The following CCDC178 variants were observed in gnomAD, a reference collection of about 807,000 sequenced individuals.
The protein encoded by CCDC178 is coiled-coil domain containing 178.
A neutral mutation model predicts 117.4 loss-of-function variants in CCDC178; 126 were observed. The ratio of observed to expected loss-of-function variants is 1.07; its 90% confidence interval spans 0.93 to 1.24. The LOEUF (loss-of-function observed/expected upper bound fraction) is 1.24, where lower values mean the gene tolerates loss of function less well. Among genes scored for constraint, CCDC178 ranks in the 50% most tolerant of loss-of-function variants. The pLI, the probability that CCDC178 is intolerant of heterozygous loss-of-function variation, is 0.00. For synonymous variants in CCDC178, 283 were observed against 313.4 expected (o/e 0.90, Z 1.02); for missense variants, 1,030 against 986.9 (o/e 1.04, Z -0.59).
intron 14 of CCDC178, among the ~76,000 whole-genome samples, chr18:33,261,840 T>C (rs1470319076): frequency 6.6e-6 from 1 of 152,136 alleles, no homozygotes; most frequent in African/African-American, 2.4e-5. Context: ...CTGGGTCATA[T>C]TCAAATTTTT....
intron 12 of CCDC178, among the ~76,000 whole-genome samples, chr18:33,279,774 A>G (rs2059997808): frequency 6.6e-6 from 1 of 152,168 alleles, no homozygotes; most frequent in South Asian, 2.1e-4. Flanking sequence ...ATGGAACAGA[A>G]CAGAGCCCTC....
chr18:33,419,858 T>G (rs1190779639), intron 2 of CCDC178, among the ~76,000 whole-genome samples: 1 of 151,888 alleles, frequency 6.6e-6, no homozygotes, highest in African/African-American at 2.4e-5. Context: ...AGTTGGATGA[T>G]TTTTCAAAGA....
intron 21 of CCDC178, among the ~76,000 whole-genome samples, chr18:33,046,238 C>T (rs1567953796): frequency 6.6e-6 from 1 of 152,074 alleles, no homozygotes; most frequent in Non-Finnish European, 1.5e-5. Flanking sequence ...GTATCTTATC[C>T]TTGCATCTAG....
chr18:33,340,943 C>T (rs2062809703), intron 9 of CCDC178, among the ~76,000 whole-genome samples: 1 of 152,140 alleles, frequency 6.6e-6, no homozygotes, highest in South Asian at 2.1e-4. Flanking sequence ...CCCAGTGGAG[C>T]TGTGAGAAGA....
At chr18:33,118,866 G>C (rs943287258) in intron 20 of CCDC178, among the ~76,000 whole-genome samples, 3 of 152,158 alleles carry the variant, frequency 2.0e-5, no homozygotes, top group African/African-American at 4.8e-5. Flanking sequence ...GAACAGAGCA[G>C]AGCCCTCAGA....
chr18:32,953,682 C>G (rs544405299), intron 22 of CCDC178, among the ~76,000 whole-genome samples: 1 of 152,258 alleles, frequency 6.6e-6, no homozygotes, highest in South Asian at 2.1e-4. Context: ...AAAGAAGGAA[C>G]CCCATTTAGC....
At chr18:33,121,695 C>T (rs1310688717) in intron 20 of CCDC178, among the ~76,000 whole-genome samples, 8 of 152,168 alleles carry the variant, frequency 5.3e-5, no homozygotes, top group Admixed American at 2.0e-4. Context: ...ATCGTAATCT[C>T]GTAATCTTGA....
At chr18:33,194,541 A>G (rs1825060847) in intron 20 of CCDC178, among the ~76,000 whole-genome samples, 2 of 151,516 alleles carry the variant, frequency 1.3e-5, no homozygotes, top group Admixed American at 6.6e-5. Flanking sequence ...CACACACCAC[A>G]CTCGCTTTTT....
chr18:33,407,658 T>C (rs1183400400), intron 3 of CCDC178, among the ~76,000 whole-genome samples: 1 of 152,070 alleles, frequency 6.6e-6, no homozygotes, highest in Non-Finnish European at 1.5e-5. Flanking sequence ...AACACTATTG[T>C]ACAACAGTAT....
intron 2 of CCDC178, among the ~76,000 whole-genome samples, chr18:33,424,106 A>G (rs180863561): frequency 6.6e-6 from 1 of 152,300 alleles, no homozygotes; most frequent in Admixed American, 6.5e-5. Flanking sequence ...TCCAGTAAAT[A>G]GTGCAAATAT....
chr18:33,272,048 A>G (rs1262294700), intron 12 of CCDC178, among the ~76,000 whole-genome samples: 1 of 151,422 alleles, frequency 6.6e-6, no homozygotes, highest in Non-Finnish European at 1.5e-5. Context: ...ATGAAAATTA[A>G]TTTTTAAAAA....
At chr18:33,376,852 T>C (rs567572583) in intron 5 of CCDC178, among the ~76,000 whole-genome samples, 9 of 152,322 alleles carry the variant, frequency 5.9e-5, no homozygotes, top group African/African-American at 1.4e-4. Flanking sequence ...CAATCCACCA[T>C]TGATGGACAC....
At chr18:33,226,927 CTAATA>C (rs2059309804) in intron 15 of CCDC178, 72 bp from the exon 16 acceptor site, 1 of 706,976 alleles carries the variant, frequency 1.4e-6, no homozygotes, top group Non-Finnish European at 2.4e-6. Flanking sequence ...AAAACAATTG[CTAATA>C]TAAGACACAT....
At chr18:33,293,367 A>G in intron 11 of CCDC178, 55 bp from the exon 12 acceptor site, 1 of 1,150,862 alleles carries the variant, frequency 8.7e-7, no homozygotes, top group South Asian at 1.6e-5. Context: ...AATATATTTT[A>G]AATTATACTT....
intron 3 of CCDC178, among the ~76,000 whole-genome samples, chr18:33,404,636 G>A (rs1290773419): frequency 6.6e-5 from 10 of 152,118 alleles, no homozygotes; most frequent in African/African-American, 2.2e-4. Context: ...GAAAACATAT[G>A]TTTGCATAAA....
rs373146706 is a variant in CCDC178 at position 33,383,830 on chromosome 18, C to T, written c.208+5710G>A. Among the ~76,000 whole-genome samples the T allele has an allele frequency of 1.1e-3, 169 of 152,202 alleles. 2 individuals carry two copies. The highest frequency in any genetic ancestry group is 3.8e-3 in the African/African-American group (157 of 41,530). On this transcript the variant is annotated intron_variant, in intron 5 of 22. Transcript: ENST00000383096. Reference sequence around the variant, plus strand: ...CCTCCAAATAATCACAACACTTCTGCAGCAAGGGCACAGAATGGGGCCGAA... The same window carrying T: ...CCTCCAAATAATCACAACACTTCTGTAGCAAGGGCACAGAATGGGGCCGAA...
chr18:33,190,218 T>C (rs558059855), intron 20 of CCDC178, among the ~76,000 whole-genome samples: 2 of 152,334 alleles, frequency 1.3e-5, no homozygotes, highest in African/African-American at 4.8e-5. Flanking sequence ...GGAAGACTAA[T>C]TAGTGACTCT....
chr18:32,977,430 C>T (rs1568193276), intron 21 of CCDC178, among the ~76,000 whole-genome samples: 1 of 152,088 alleles, frequency 6.6e-6, no homozygotes, highest in Non-Finnish European at 1.5e-5. Flanking sequence ...GCTTGTTAGA[C>T]ATTAGTAAGA....
In CCDC178 at chr18:33,432,610, A is replaced by G. The variant is rs570871973; in HGVS notation, c.-23+7352T>C. On this transcript the variant is annotated intron_variant, in intron 2 of 22. Transcript: ENST00000383096. ...CTCCAGGTCCCTCTCAGTAGCAAAG[A>G]AACACATCTCTTTGAGAAACACATC... Among the ~76,000 whole-genome samples, 3 of 152,256 alleles carry G rather than the reference A, an allele frequency of 2.0e-5. No homozygotes were observed. The South Asian group carries it at 6.2e-4, about 32-fold the overall frequency.
Sources: allele counts gnomAD v4.1 joint callset (sites outside exome capture counted in the v4.1 genomes callset), GRCh38; gene constraint gnomAD v4.1.1; transcripts MANE v1.5; gene names NCBI Gene and HGNC (gene_info 2026-07-23, HGNC 2026-07-21).